MYO1D: variants seen among roughly 807,000 people sequenced by gnomAD.
MYO1D encodes the protein unconventional myosin-Id.
A neutral mutation model predicts 122.0 loss-of-function variants in MYO1D; 83 were observed. The observed-to-expected ratio is 0.68, with a 90% CI of 0.57 to 0.82. MYO1D has a LOEUF of 0.82. Ranked by LOEUF, MYO1D falls within the 40% of genes least tolerant of loss-of-function variation. MYO1D has a pLI of 0.00. For synonymous variants in MYO1D, 464 were observed against 446.9 expected (o/e 1.04, Z -0.48); for missense variants, 1,157 against 1,269.5 (o/e 0.91, Z 1.35).
chr17:32,577,780 C>T (rs1405814205), intron 21 of MYO1D, among the ~76,000 whole-genome samples: 1 of 151,706 alleles, frequency 6.6e-6, no homozygotes, highest in East Asian at 1.9e-4. Context: ...GCTCTGTCAC[C>T]CAGGCTGGAG....
intron 16 of MYO1D, among the ~76,000 whole-genome samples, chr17:32,704,824 T>A (rs566665122): frequency 6.6e-6 from 1 of 152,148 alleles, no homozygotes; most frequent in Non-Finnish European, 1.5e-5. Context: ...AAATATGCAA[T>A]AAATGTGTAG....
Position 32,811,284 on chromosome 17 carries a change from C to T in MYO1D, c.96-30500G>A, listed in dbSNP as rs116127598. 3.6e-3 allele frequency among the ~76,000 whole-genome samples: 555 copies of T among 152,324 alleles called. 3 individuals are homozygous for T. Among genetic ancestry groups the T allele is most frequent in the African/African-American group, 0.012 (518 of 41,586 alleles). On this transcript the variant is annotated intron_variant, in intron 1 of 21. Coordinates refer to ENST00000318217, the MANE Select transcript of MYO1D (RefSeq NM_015194.3). ...CTCAAGTAAACCTCTACCAGTCAAA[C>T]CTACTCATCCTGTTGTCTTCCTCAT...
At chr17:32,502,887 G>A (rs991496453) in intron 21 of MYO1D, among the ~76,000 whole-genome samples, 6 of 152,210 alleles carry the variant, frequency 3.9e-5, no homozygotes, top group African/African-American at 1.4e-4. Flanking sequence ...CCAAGCCAAA[G>A]GACAGCTGCC....
At chr17:32,678,687 T>C (rs2088862042) in intron 16 of MYO1D, among the ~76,000 whole-genome samples, 1 of 147,748 alleles carries the variant, frequency 6.8e-6, no homozygotes, top group East Asian at 2.0e-4. Context: ...GTTCCAAGTC[T>C]TTGCTATTGT....
At chr17:32,608,469 TACA>T (rs1410726059) in intron 20 of MYO1D, among the ~76,000 whole-genome samples, 4 of 152,074 alleles carry the variant, frequency 2.6e-5, no homozygotes, top group African/African-American at 9.7e-5. Flanking sequence ...CAAAACAGCC[TACA>T]ACAACAAAAG....
chr17:32,523,009 G>T (rs1170251613), intron 21 of MYO1D, among the ~76,000 whole-genome samples: 1 of 152,194 alleles, frequency 6.6e-6, no homozygotes, highest in Non-Finnish European at 1.5e-5. Context: ...TAGAGACGGG[G>T]TTTCACCATG....
At chr17:32,684,614 A>C (rs1033569978) in intron 16 of MYO1D, among the ~76,000 whole-genome samples, 8 of 152,182 alleles carry the variant, frequency 5.3e-5, no homozygotes, top group African/African-American at 1.9e-4. Context: ...TAAGAGCACT[A>C]AAAAGAAACA....
At chr17:32,813,998 A>G (rs1348005165) in intron 1 of MYO1D, among the ~76,000 whole-genome samples, 1 of 152,208 alleles carries the variant, frequency 6.6e-6, no homozygotes, top group African/African-American at 2.4e-5. Context: ...AACTTTCTCG[A>G]GGCAGCAACA....
At chr17:32,868,306 T>A (rs566159884) in intron 1 of MYO1D, among the ~76,000 whole-genome samples, 1 of 152,280 alleles carries the variant, frequency 6.6e-6, no homozygotes, top group South Asian at 2.1e-4. Flanking sequence ...CAAGAACACA[T>A]CATCTTTATA....
intron 1 of MYO1D, among the ~76,000 whole-genome samples, chr17:32,850,556 T>C (rs943957365): frequency 1.3e-5 from 2 of 152,208 alleles, no homozygotes; most frequent in East Asian, 1.9e-4. Context: ...AAGTGCTCTA[T>C]TTACCTCTCT....
chr17:32,771,420 T>C (rs766824008), intron 5 of MYO1D, among the ~76,000 whole-genome samples, 200 bp from the exon 6 acceptor site: 3 of 152,214 alleles, frequency 2.0e-5, no homozygotes, highest in African/African-American at 7.2e-5. Context: ...GAGAATGTTA[T>C]GCAGTCATAA....
chr17:32,541,908 T>C (rs1037100746), intron 21 of MYO1D, among the ~76,000 whole-genome samples: 1 of 152,162 alleles, frequency 6.6e-6, no homozygotes, highest in Non-Finnish European at 1.5e-5. Context: ...CAGCACATCC[T>C]GCTTTTACTG....
At chr17:32,755,921 C>T (rs957032892) in intron 10 of MYO1D, among the ~76,000 whole-genome samples, 1 of 152,108 alleles carries the variant, frequency 6.6e-6, no homozygotes, top group Non-Finnish European at 1.5e-5. Flanking sequence ...AGGTAGACAC[C>T]ATTTCTCCCA....
At chr17:32,636,482 A>G (rs1180473734) in intron 20 of MYO1D, among the ~76,000 whole-genome samples, 1 of 152,264 alleles carries the variant, frequency 6.6e-6, no homozygotes, top group Non-Finnish European at 1.5e-5. Flanking sequence ...CTTAAAAACA[A>G]TGACAGGTCT....
chr17:32,756,593 A>C (rs2089949849), intron 10 of MYO1D, among the ~76,000 whole-genome samples: 1 of 151,864 alleles, frequency 6.6e-6, no homozygotes, highest in Non-Finnish European at 1.5e-5. Context: ...AAAAAAAAGA[A>C]CTTGCATTTT....
At chr17:32,597,122 C>A (rs1324489296) in intron 21 of MYO1D, among the ~76,000 whole-genome samples, 1 of 152,150 alleles carries the variant, frequency 6.6e-6, no homozygotes, top group Non-Finnish European at 1.5e-5. Flanking sequence ...TTGGACAGTT[C>A]TTCTGTTCTT....
intron 13 of MYO1D, among the ~76,000 whole-genome samples, chr17:32,742,892 C>A (rs984613750): frequency 6.6e-6 from 1 of 152,200 alleles, no homozygotes; most frequent in African/African-American, 2.4e-5. Context: ...GAGCTCACAT[C>A]AATGAGATAT....
chr17:32,749,373 A>G (rs1038702824), intron 11 of MYO1D, among the ~76,000 whole-genome samples: 2 of 152,372 alleles, frequency 1.3e-5, no homozygotes, highest in South Asian at 2.1e-4. Context: ...TGGAATAGTC[A>G]GAAGATAGAG....
chr17:32,560,772 G>A (rs559332137), intron 21 of MYO1D, among the ~76,000 whole-genome samples: 39 of 149,510 alleles, frequency 2.6e-4, no homozygotes, highest in African/African-American at 8.6e-4. Context: ...GGCGTGTGCC[G>A]TCATTCCTAG....
Sources: gnomAD v4.1 joint callset for allele counts (sites outside exome capture counted in the v4.1 genomes callset) on GRCh38, gnomAD v4.1.1 for gene constraint, MANE v1.5 for transcripts, NCBI Gene and HGNC (gene_info 2026-07-23, HGNC 2026-07-21) for gene names.